Variants in ADGRG5 observed in about 807,000 individuals in gnomAD.
ADGRG5 encodes the protein G protein-coupled receptor 114.
In ADGRG5, 37 loss-of-function variants were observed where a neutral mutation model predicts 53.2. That is an observed-to-expected ratio of 0.70 (90% CI 0.53 to 0.91). The LOEUF is 0.91. ADGRG5 is among the 40% of genes least tolerant of loss of function. ADGRG5 has a pLI of 0.00. For missense variants in ADGRG5, 614 were observed against 675.8 expected (o/e 0.91, Z 1.01); for synonymous variants, 277 against 290.4 (o/e 0.95, Z 0.47).
rs374706984 is a variant in ADGRG5, at chr16:57,566,587, A to G, written c.547-12A>G. ...CTCTGCACCCTATGACTGACCCAGC[A>G]TCTCCACCCAGGAAGGCTACACCCT... On this transcript the variant is annotated splice_polypyrimidine_tract_variant and intron_variant, in intron 6 of 11. Transcript: ENST00000349457. The G allele has an allele frequency of 4.0e-6, 6 of 1,483,164 alleles. No homozygotes were observed. Among genetic ancestry groups the G allele is most frequent in the Middle Eastern group, 1.8e-4 (1 of 5,594 alleles). The allele number at this position is 1,483,164 out of a possible 1,614,324, so 91.9% of individuals were successfully genotyped here.
rs753211425 is a variant in ADGRG5, at chr16:57,575,093, G to A, written c.1486+1G>A. 1.9e-6 allele frequency: 3 copies of A among 1,610,400 alleles called. No individual in the cohort carries two copies. In the South Asian group the frequency reaches 3.3e-5, roughly 18 times the overall value. On this transcript the variant is annotated splice_donor_variant, in intron 11 of 11. Transcript: ENST00000349457. LOFTEE classifies it high-confidence loss of function. ...TTCACCATCTTAAACTCGCTCTACG[G>A]TAGGGCTGGAGGGCGGCCTGGAGGA...
At position 57,562,427 on chromosome 16, in the gene ADGRG5, G is replaced by A; in HGVS notation, c.108G>A (p.Val36=). ...TGAGCTACATGGAGAATATGCAGGTGTCCAGGGGCCGGAGCTCAGTTTTTT... is the reference window on the plus strand; with the variant it reads ...TGAGCTACATGGAGAATATGCAGGTATCCAGGGGCCGGAGCTCAGTTTTTT... The part of the protein sequence containing the change: ...ELLSYMENMQ[V]SRGRSSVFSS... The change falls in exon 3 of 12, where the codon GTG becomes GTA. Residue 36 remains valine (V), a synonymous_variant. Coordinates refer to ENST00000349457, the MANE Select transcript of ADGRG5 (RefSeq NM_001304376.3). 1 of 1,607,680 alleles carries A rather than the reference G, an allele frequency of 6.2e-7. No individual in the cohort carries two copies. Among genetic ancestry groups the A allele is most frequent in the Non-Finnish European group, 8.5e-7 (1 of 1,177,362 alleles).
At position 57,576,525 on chromosome 16, in the gene ADGRG5, T is replaced by A. The variant is rs1312809784; in HGVS notation, c.*987T>A. 4 of 152,042 alleles carry A rather than the reference T, an allele frequency of 2.6e-5. No individual in the cohort carries two copies. Among genetic ancestry groups the A allele is most frequent in the Non-Finnish European group, 5.9e-5 (4 of 68,016 alleles). The allele number at this position is 152,042 out of a possible 1,614,324, so 9.4% of individuals were successfully genotyped here. A position where few individuals can be genotyped will look rare whatever the true frequency, so the allele number is the denominator to read the frequency against. On this transcript the variant is annotated 3_prime_UTR_variant, in exon 12 of 12. Transcript: ENST00000349457. ...CCAGACCTTCATGAGACAGTGCTCA[T>A]GAAGCCAGTGCGTTTCCCAGAACGA... is the stretch of plus-strand genomic sequence containing the variant.
upstream of ADGRG5, among the ~76,000 whole-genome samples, chr16:57,541,665 C>T (rs1301167333): frequency 6.6e-6 from 1 of 152,192 alleles, no homozygotes; most frequent in African/African-American, 2.4e-5. Context: ...CCTTTTGCTG[C>T]CTCTCCATCT....
intron 1 of ADGRG5, among the ~76,000 whole-genome samples, chr16:57,544,387 G>A (rs1404376480): frequency 6.6e-6 from 1 of 152,164 alleles, no homozygotes; most frequent in Non-Finnish European, 1.5e-5. Context: ...GAAGGGATGT[G>A]GAGGGGAATT....
intron 1 of ADGRG5, among the ~76,000 whole-genome samples, chr16:57,553,632 CTTCT>C (rs1362539463): frequency 1.4e-4 from 22 of 152,194 alleles, no homozygotes; most frequent in African/African-American, 4.8e-4. Context: ...CAACTTCATT[CTTCT>C]TTATCAAAAT....
chr16:57,570,297 A>G, intron 9 of ADGRG5, 121 bp from the exon 10 acceptor site: 1 of 622,834 alleles, frequency 1.6e-6, no homozygotes, highest in Non-Finnish European at 2.9e-6. Flanking sequence ...GGGGCTCACA[A>G]CAGTCTCCTC....
At chr16:57,545,466 C>T (rs897833624) in intron 1 of ADGRG5, among the ~76,000 whole-genome samples, 2 of 152,112 alleles carry the variant, frequency 1.3e-5, no homozygotes, top group African/African-American at 4.8e-5. Flanking sequence ...GTGGGAGGAT[C>T]GCTTGAGCCC....
the ADGRG5 span, among the ~76,000 whole-genome samples, chr16:57,534,879 C>G: frequency 1.3e-5 from 2 of 152,200 alleles, no homozygotes; most frequent in Non-Finnish European, 2.9e-5. Flanking sequence ...CTAATTGACC[C>G]ACTGGGAACA....
the ADGRG5 span, among the ~76,000 whole-genome samples, chr16:57,535,597 T>C: frequency 6.6e-6 from 1 of 152,002 alleles, no homozygotes. Flanking sequence ...GCTGGAATGG[T>C]GGGGTGAACC....
chr16:57,575,403 T>C (rs1175425205), intron 11 of ADGRG5, 35 bp from the exon 12 acceptor site: 2 of 1,587,404 alleles, frequency 1.3e-6, no homozygotes, highest in Non-Finnish European at 1.7e-6. Flanking sequence ...GGGAAGCCCA[T>C]GCTGCCCCGT....
At chr16:57,541,846 C>T (rs1255998126), upstream of ADGRG5, among the ~76,000 whole-genome samples, 2 of 152,230 alleles carry the variant, frequency 1.3e-5, no homozygotes, top group Non-Finnish European at 2.9e-5. Flanking sequence ...TGATGCAGGA[C>T]AGGCCTATCC....
Position 57,574,103 on chromosome 16 carries a change from C to T in ADGRG5, c.1209-712C>T, listed in dbSNP as rs75950307. On this transcript the variant is annotated intron_variant, in intron 10 of 11. Transcript: ENST00000349457. The surrounding 1 kb of genome is among the most constrained non-coding windows in gnomAD (Gnocchi z 4.4). ...TCCTGCCTCAGCATGACATTGTGTC[C>T]GACTAAAAGGTGGCATCTGTCTTGA... Among the ~76,000 whole-genome samples, 3,134 of 152,270 alleles carry T rather than the reference C, an allele frequency of 0.021. 82 individuals carry two copies. The highest frequency in any genetic ancestry group is 0.028 in the Non-Finnish European group (1,883 of 68,024).
At chr16:57,566,545 C>T in intron 6 of ADGRG5, 54 bp from the exon 7 acceptor site, 5 of 1,375,638 alleles carry the variant, frequency 3.6e-6, no homozygotes, top group Admixed American at 5.9e-5. Flanking sequence ...CTCCCAGACA[C>T]TGATCTGCAG....
chr16:57,568,657 A>G (rs1327720531), intron 9 of ADGRG5, among the ~76,000 whole-genome samples: 2 of 144,716 alleles, frequency 1.4e-5, no homozygotes, highest in Non-Finnish European at 3.0e-5. Context: ...CACCACCATC[A>G]TCTCCTTCAC....
At position 57,565,085 on chromosome 16, in the gene ADGRG5, A is replaced by C; in HGVS notation, c.481A>C (p.Ser161Arg). 15 of 1,613,862 alleles carry C rather than the reference A, an allele frequency of 9.3e-6. No individual in the cohort carries two copies. Among genetic ancestry groups the C allele is most frequent in the Non-Finnish European group, 1.3e-5 (15 of 1,179,886 alleles). ...TAACTACGTCCTGGGGGCCCAGCTGAGTCATGGGCACGTGAACAACCTCAG... is the reference window on the plus strand; with the variant it reads ...TAACTACGTCCTGGGGGCCCAGCTGCGTCATGGGCACGTGAACAACCTCAG... ...LNNYVLGAQLSHGHVNNLRDP... is the reference protein window; with the variant it reads ...LNNYVLGAQLRHGHVNNLRDP... Residue 161 changes from serine to arginine, a missense_variant, in exon 6 of 12, where the codon AGT becomes CGT. Ser to Arg is a moderately radical substitution (Grantham distance 110, BLOSUM62 -1). Transcript: ENST00000349457.
chr16:57,575,350 C>T (rs1286754773), intron 11 of ADGRG5, 88 bp from the exon 12 acceptor site: 1 of 1,285,926 alleles, frequency 7.8e-7, no homozygotes, highest in East Asian at 2.4e-5. Context: ...CCATGGGCCC[C>T]AGGGAGGCCA....
At chr16:57,529,313 G>T in the ADGRG5 span, 3 of 1,104,516 alleles carry the variant, frequency 2.7e-6, no homozygotes, top group South Asian at 9.0e-5. This position sits in a 1 kb window ranked among gnomAD's most constrained non-coding sequence, Gnocchi z 4.1. Context: ...GGCGGAGGAC[G>T]CCTCCTCGGA....
intron 1 of ADGRG5, among the ~76,000 whole-genome samples, chr16:57,549,755 C>T (rs1181603204): frequency 6.6e-6 from 1 of 152,160 alleles, no homozygotes; most frequent in African/African-American, 2.4e-5. Context: ...CTGATTTGTT[C>T]TCTGATCCAA....
Sources: gnomAD v4.1 joint callset for allele counts (sites outside exome capture counted in the v4.1 genomes callset) on GRCh38, gnomAD v4.1.1 for gene constraint, Gnocchi (gnomAD v3.1) non-coding constraint, MANE v1.5 for transcripts, NCBI Gene and HGNC (gene_info 2026-07-23, HGNC 2026-07-21) for gene names.